Variants in SNTB1 observed in about 807,000 individuals in gnomAD.
SNTB1 encodes the protein beta-1-syntrophin.
A neutral mutation model predicts 48.9 loss-of-function variants in SNTB1; 36 were observed. The ratio of observed to expected loss-of-function variants is 0.74; its 90% CI spans 0.56 to 0.97. The LOEUF is 0.97. SNTB1 is among the 50% of genes least tolerant of loss of function. SNTB1 has a pLI of 0.00. For synonymous variants in SNTB1, 299 were observed against 294.6 expected (o/e 1.01, Z -0.15); for missense variants, 786 against 703.4 (o/e 1.12, Z -1.33).
intron 1 of SNTB1, among the ~76,000 whole-genome samples, chr8:120,697,227 G>C (rs1385563327): frequency 1.3e-5 from 2 of 152,222 alleles, no homozygotes; most frequent in East Asian, 3.8e-4. Flanking sequence ...AGCACTAGGG[G>C]AATTTCCAAA....
intron 3 of SNTB1, among the ~76,000 whole-genome samples, chr8:120,576,416 A>T (rs1242860702): frequency 1.3e-5 from 2 of 152,214 alleles, no homozygotes; most frequent in Non-Finnish European, 2.9e-5. Context: ...CCGTATAGAG[A>T]TAGAAGCATG....
At chr8:120,656,046 GT>G (rs951172216) in intron 2 of SNTB1, among the ~76,000 whole-genome samples, 3 of 151,834 alleles carry the variant, frequency 2.0e-5, no homozygotes, top group Non-Finnish European at 2.9e-5. Context: ...TGTTGAGCCT[GT>G]TTTTTTTGAA....
intron 1 of SNTB1, among the ~76,000 whole-genome samples, chr8:120,767,427 T>C (rs1819545286): frequency 1.3e-5 from 2 of 152,180 alleles, no homozygotes; most frequent in Admixed American, 6.5e-5. Flanking sequence ...ACACACACCA[T>C]GCATATATAT....
chr8:120,657,087 T>C (rs532325680), intron 2 of SNTB1, among the ~76,000 whole-genome samples: 1 of 152,350 alleles, frequency 6.6e-6, no homozygotes, highest in Non-Finnish European at 1.5e-5. Context: ...TTTGGATGTC[T>C]TTTTACAATC....
chr8:120,556,076 CAA>C (rs1054041885), intron 4 of SNTB1, among the ~76,000 whole-genome samples: 1 of 152,146 alleles, frequency 6.6e-6, no homozygotes, highest in Non-Finnish European at 1.5e-5. Flanking sequence ...TACACAAACC[CAA>C]GTCTAGGTAC....
At chr8:120,668,218 C>T (rs1208682682) in intron 2 of SNTB1, among the ~76,000 whole-genome samples, 6 of 152,204 alleles carry the variant, frequency 3.9e-5, no homozygotes, top group Admixed American at 2.6e-4. Context: ...TCTCCCTGGG[C>T]CATGGCTTGA....
chr8:120,593,337 C>T (rs999946026), intron 3 of SNTB1, among the ~76,000 whole-genome samples: 1 of 152,214 alleles, frequency 6.6e-6, no homozygotes, highest in Non-Finnish European at 1.5e-5. Flanking sequence ...CATGCTCACA[C>T]CACATTTCTT....
chr8:120,706,167 G>C (rs959958621), intron 1 of SNTB1, among the ~76,000 whole-genome samples: 2 of 152,094 alleles, frequency 1.3e-5, no homozygotes, highest in African/African-American at 4.8e-5. Flanking sequence ...TGTTATTGTT[G>C]CTATGAAATT....
intron 2 of SNTB1, among the ~76,000 whole-genome samples, chr8:120,645,506 C>T (rs1421056664): frequency 1.3e-5 from 2 of 151,632 alleles, no homozygotes; most frequent in African/African-American, 4.9e-5. Flanking sequence ...GAGCTCTGTT[C>T]TGTTCCATTG....
intron 5 of SNTB1, among the ~76,000 whole-genome samples, chr8:120,543,251 T>C (rs1266528891): frequency 6.6e-6 from 1 of 152,166 alleles, no homozygotes; most frequent in Non-Finnish European, 1.5e-5. Context: ...ATTGGATTTT[T>C]TTGCTTCACA....
intron 2 of SNTB1, among the ~76,000 whole-genome samples, chr8:120,646,570 T>C (rs1246868594): frequency 4.6e-5 from 7 of 151,804 alleles, no homozygotes; most frequent in Admixed American, 4.6e-4. Flanking sequence ...GTTTTGCCAG[T>C]ATTTTATTGA....
At chr8:120,553,579 T>C (rs1815517765) in intron 4 of SNTB1, among the ~76,000 whole-genome samples, 1 of 152,220 alleles carries the variant, frequency 6.6e-6, no homozygotes, top group Admixed American at 6.5e-5. Flanking sequence ...AAAATGCATC[T>C]ATATTCTGGA....
chr8:120,712,276 G>A (rs557736115), intron 1 of SNTB1, among the ~76,000 whole-genome samples: 85 of 151,816 alleles, frequency 5.6e-4, no homozygotes, highest in Non-Finnish European at 1.0e-3. Flanking sequence ...TTAGCCAGGC[G>A]TGGTGGCGGG....
rs1815933686 is a variant in SNTB1 at position 120,575,299 on chromosome 8, A to G, written c.997-74T>C. ...GATTATGAGAAGTTGGCATCCCCCT[A>G]ATCAGAGGACTCAGCAATACATTGA... On this transcript the variant is annotated intron_variant, in intron 3 of 6. Transcript: ENST00000517992. 3.2e-6 allele frequency: 5 copies of G among 1,562,906 alleles called. No homozygotes were observed. In the South Asian group the frequency reaches 4.5e-5, roughly 14 times the overall value.
chr8:120,725,154 T>C (rs1215945858), intron 1 of SNTB1, among the ~76,000 whole-genome samples: 1 of 151,978 alleles, frequency 6.6e-6, no homozygotes, highest in African/African-American at 2.4e-5. Context: ...AGGAGGTAAG[T>C]GGAAAGAGGA....
At chr8:120,666,455 T>A (rs1169411222) in intron 2 of SNTB1, among the ~76,000 whole-genome samples, 1 of 152,246 alleles carries the variant, frequency 6.6e-6, no homozygotes, top group Non-Finnish European at 1.5e-5. Flanking sequence ...CACCTCTTTG[T>A]TCCTCTTATT....
At chr8:120,697,499 T>C (rs965723226) in intron 1 of SNTB1, among the ~76,000 whole-genome samples, 77 of 152,214 alleles carry the variant, frequency 5.1e-4, no homozygotes, top group African/African-American at 1.8e-3. Flanking sequence ...ATGTAAATGA[T>C]ATGAGTGCTT....
chr8:120,555,795 A>G (rs1458517393), intron 4 of SNTB1, among the ~76,000 whole-genome samples: 1 of 152,100 alleles, frequency 6.6e-6, no homozygotes, highest in African/African-American at 2.4e-5. Context: ...GCATTAATCC[A>G]ACGGAACCGT....
chr8:120,578,572 A>C (rs1402578939), intron 3 of SNTB1, among the ~76,000 whole-genome samples: 2 of 152,134 alleles, frequency 1.3e-5, no homozygotes, highest in African/African-American at 4.8e-5. Flanking sequence ...TTTCTCAAGA[A>C]CTGATCAGAT....
Sources: gnomAD v4.1 joint callset for allele counts (sites outside exome capture counted in the v4.1 genomes callset) on GRCh38, gnomAD v4.1.1 for gene constraint, MANE v1.5 for transcripts, NCBI Gene and HGNC (gene_info 2026-07-23, HGNC 2026-07-21) for gene names.